KANK1: variants seen among roughly 807,000 people sequenced by gnomAD.
KANK1 encodes the protein KN motif and ankyrin repeat domain-containing protein 1.
In KANK1, 109 loss-of-function variants were observed where a neutral mutation model predicts 106.2. That is an observed-to-expected ratio of 1.03 (90% CI 0.88 to 1.20). The LOEUF (loss-of-function observed/expected upper bound fraction) is 1.20. Ranked by LOEUF, KANK1 falls within the 50% of genes most tolerant of loss-of-function variation. The pLI is 0.00. For missense variants in KANK1, 2,399 were observed against 1,710.7 expected (o/e 1.40, Z -7.10); for synonymous variants, 873 against 652.2 (o/e 1.34, Z -5.16).
chr9:608,276 A>T (rs1225765636), intron 1 of KANK1, among the ~76,000 whole-genome samples: 1 of 151,072 alleles, frequency 6.6e-6, no homozygotes, highest in Non-Finnish European at 1.5e-5. Context: ...TGACCTCATG[A>T]TCCACCCGCC....
rs896451922 is a variant in KANK1 at position 606,363 on chromosome 9, CCTGA to C, written c.-83-70524_-83-70521del. On this transcript the variant is annotated intron_variant, in intron 1 of 11. Transcript: ENST00000382297. ...CCTGAGGTCAGGAATTCGAGACTAG[CCTGA>C]CTAACATGGTGAAACCCCGTCTCTA... Among the ~76,000 whole-genome samples, 17 of 139,142 alleles carry C rather than the reference CCTGA, an allele frequency of 1.2e-4. No homozygotes were observed. The East Asian group carries it at 2.3e-3, about 19-fold the overall frequency. The allele number at this position is 139,142 out of a possible 152,430, so 91.3% of individuals were successfully genotyped here.
At chr9:734,924 G>A (rs1833363924) in intron 7 of KANK1, 89 bp downstream of exon 7, 2 of 904,866 alleles carry the variant, frequency 2.2e-6, no homozygotes, top group Non-Finnish European at 3.7e-6. Context: ...TGCCCGAGCT[G>A]TTGCTTGCAT....
chr9:708,136 TC>T (rs1271730255), intron 2 of KANK1, among the ~76,000 whole-genome samples: 2 of 33,586 alleles, frequency 6.0e-5, no homozygotes, highest in African/African-American at 2.7e-4. Context: ...TGCTGCAGCT[TC>T]TCTCCTGTTA....
intron 2 of KANK1, among the ~76,000 whole-genome samples, chr9:678,574 A>G (rs138618766): frequency 0.013 from 1,980 of 152,180 alleles, 48 homozygotes; most frequent in African/African-American, 0.046. Flanking sequence ...ACAAAAATAC[A>G]AAAATTAGCC....
intron 1 of KANK1, among the ~76,000 whole-genome samples, chr9:575,366 T>G (rs2135048936): frequency 6.6e-6 from 1 of 152,228 alleles, no homozygotes; most frequent in Middle Eastern, 3.4e-3. Context: ...AGACTTCTGT[T>G]TTATATAATA....
chr9:528,878 C>T (rs1320372344), intron 1 of KANK1, among the ~76,000 whole-genome samples: 5 of 152,034 alleles, frequency 3.3e-5, no homozygotes, highest in African/African-American at 9.7e-5. Context: ...CTGCTCACTG[C>T]AGCCTTGACC....
At chr9:514,167 TCTCCCTC>T (rs2059165975) in intron 1 of KANK1, among the ~76,000 whole-genome samples, 1 of 33,560 alleles carries the variant, frequency 3.0e-5, no homozygotes, top group African/African-American at 3.1e-4. Context: ...TCCCTTCCTC[TCTCCCTC>T]CCTTCCTCTC....
upstream of KANK1, among the ~76,000 whole-genome samples, chr9:500,957 C>G (rs1366124970): frequency 6.6e-6 from 1 of 152,202 alleles, no homozygotes; most frequent in Non-Finnish European, 1.5e-5. Context: ...AAACTACTTT[C>G]TGTACCCCAG....
At chr9:531,558 G>A (rs774075540) in intron 1 of KANK1, among the ~76,000 whole-genome samples, 2 of 152,236 alleles carry the variant, frequency 1.3e-5, no homozygotes, top group Non-Finnish European at 2.9e-5. Context: ...CTCAATTTGA[G>A]AGTTGGATAA....
intron 1 of KANK1, among the ~76,000 whole-genome samples, chr9:655,004 A>G (rs1841805780): frequency 6.6e-6 from 1 of 152,118 alleles, no homozygotes; most frequent in East Asian, 1.9e-4. Context: ...GAGCTTTGAA[A>G]TATACTTCTG....
chr9:672,377 C>T (rs1475230697), intron 1 of KANK1, among the ~76,000 whole-genome samples: 1 of 152,126 alleles, frequency 6.6e-6, no homozygotes, highest in African/African-American at 2.4e-5. Context: ...CTCATATGGC[C>T]TCTGAAATGA....
intron 1 of KANK1, among the ~76,000 whole-genome samples, chr9:664,965 T>A (rs962578912): frequency 6.6e-6 from 1 of 152,222 alleles, no homozygotes; most frequent in African/African-American, 2.4e-5. Context: ...TCATTTGTCC[T>A]CTGTTGAGAA....
In KANK1 at chr9:653,793, A is replaced by C. The variant is rs112526988; in HGVS notation, c.-83-23097A>C. Reference sequence around the variant, plus strand: ...AAATAAAAAAGAAGGAGAGGATAGCAACTAGGAAGATGAACAAGCCTCATC... The same window carrying C: ...AAATAAAAAAGAAGGAGAGGATAGCCACTAGGAAGATGAACAAGCCTCATC... On this transcript the variant is annotated intron_variant, in intron 1 of 11. Transcript: ENST00000382297. Among the ~76,000 whole-genome samples the C allele has an allele frequency of 3.4e-3, 524 of 152,336 alleles. 1 individual carries two copies. Among genetic ancestry groups the C allele is most frequent in the African/African-American group, 0.011 (469 of 41,572 alleles).
At chr9:552,526 A>G (rs1328261954) in intron 1 of KANK1, among the ~76,000 whole-genome samples, 1 of 152,168 alleles carries the variant, frequency 6.6e-6, no homozygotes, top group Admixed American at 6.5e-5. Flanking sequence ...TTTAAATATA[A>G]TATGTTTTAA....
At chr9:672,324 C>A (rs59941282) in intron 1 of KANK1, among the ~76,000 whole-genome samples, 11,872 of 152,098 alleles carry the variant, frequency 0.078, 961 homozygotes, top group East Asian at 0.31. Context: ...TTTAAAAGTC[C>A]CTTGAATGTA....
chr9:656,700 G>A (rs1438575195), intron 1 of KANK1, among the ~76,000 whole-genome samples: 1 of 152,110 alleles, frequency 6.6e-6, no homozygotes, highest in Non-Finnish European at 1.5e-5. Flanking sequence ...ATCACTAAAG[G>A]GATGTGCTTG....
intron 1 of KANK1, among the ~76,000 whole-genome samples, chr9:572,123 C>T (rs964524036): frequency 1.4e-5 from 2 of 143,302 alleles, no homozygotes; most frequent in African/African-American, 2.6e-5. Context: ...TAATACAACT[C>T]TTAACTTATG....
chr9:745,045 C>G (rs1002581683), intron 11 of KANK1, 128 bp from the exon 12 acceptor site: 7 of 1,520,136 alleles, frequency 4.6e-6, no homozygotes, highest in African/African-American at 1.4e-5. Context: ...TGTTCTCAGC[C>G]AGAGCTCTCC....
At chr9:524,243 T>A (rs2059680096) in intron 1 of KANK1, among the ~76,000 whole-genome samples, 1 of 151,730 alleles carries the variant, frequency 6.6e-6, no homozygotes, top group African/African-American at 2.4e-5. Flanking sequence ...AATACAACCC[T>A]TCCCTTCCTT....
Sources: gnomAD v4.1 joint callset for allele counts (sites outside exome capture counted in the v4.1 genomes callset) on GRCh38, gnomAD v4.1.1 for gene constraint, MANE v1.5 for transcripts, NCBI Gene and HGNC (gene_info 2026-07-23, HGNC 2026-07-21) for gene names.